The following CNTLN variants were observed in gnomAD, a reference collection of about 807,000 sequenced individuals.
CNTLN encodes the protein centlein.
In CNTLN, 212 loss-of-function variants were observed where a neutral mutation model predicts 180.0. The ratio of observed to expected loss-of-function variants is 1.18; its 90% CI spans 1.05 to 1.32. The LOEUF (loss-of-function observed/expected upper bound fraction) is 1.32. Among genes scored for constraint, CNTLN ranks in the 40% most tolerant of loss-of-function variants. CNTLN has a pLI of 0.00. For missense variants in CNTLN, 2,095 were observed against 1,610.9 expected, an observed-to-expected ratio of 1.30 and a Z score of -5.14; for synonymous variants, 722 against 563.1, an observed-to-expected ratio of 1.28 and a Z score of -3.99.
At chr9:17,179,395 A>C (rs57762378) in intron 2 of CNTLN, among the ~76,000 whole-genome samples, 3 of 151,806 alleles carry the variant, frequency 2.0e-5, no homozygotes, top group Middle Eastern at 6.8e-3. Flanking sequence ...ATTTTTATTC[A>C]GTTCTATGTA....
chr9:17,212,133 A>C (rs1280846763), intron 2 of CNTLN, among the ~76,000 whole-genome samples: 2 of 152,186 alleles, frequency 1.3e-5, no homozygotes, highest in Non-Finnish European at 2.9e-5. Flanking sequence ...GTCTTGTGCC[A>C]GTTTTCAAAG....
In CNTLN at chr9:17,155,527, C is replaced by G. The variant is rs575496717; in HGVS notation, c.449+12151C>G. ...TTGCTGAGCTGCAGTGGGCTCTGCCCAGTTCGAACTTCCCAGCAGCTTTGT... is the reference window on the plus strand; with the variant it reads ...TTGCTGAGCTGCAGTGGGCTCTGCCGAGTTCGAACTTCCCAGCAGCTTTGT... On this transcript the variant is annotated intron_variant, in intron 2 of 25. Coordinates refer to ENST00000380647, the MANE Select transcript of CNTLN (RefSeq NM_017738.4). Among the ~76,000 whole-genome samples the G allele has an allele frequency of 5.3e-5, 8 of 152,300 alleles. 1 individual carries two copies. The highest frequency in any genetic ancestry group is 1.9e-4 in the African/African-American group (8 of 41,576).
At chr9:17,511,979 C>A in the CNTLN span, among the ~76,000 whole-genome samples, 1 of 152,096 alleles carries the variant, frequency 6.6e-6, no homozygotes, top group African/African-American at 2.4e-5. Flanking sequence ...AAAAAGAACC[C>A]TGCCTAGAGT....
At chr9:17,510,506 T>TTA in the CNTLN span, among the ~76,000 whole-genome samples, 1 of 152,324 alleles carries the variant, frequency 6.6e-6, no homozygotes, top group African/African-American at 2.4e-5. Flanking sequence ...AGATTAACCT[T>TTA]TAAGTCAGTG....
At chr9:17,230,177 T>C (rs1824720792) in intron 3 of CNTLN, among the ~76,000 whole-genome samples, 1 of 152,132 alleles carries the variant, frequency 6.6e-6, no homozygotes, top group Admixed American at 6.6e-5. Context: ...TTTTGGCAAT[T>C]TGCACTTGTG....
At chr9:17,157,089 G>T (rs1468158380) in intron 2 of CNTLN, among the ~76,000 whole-genome samples, 2 of 152,188 alleles carry the variant, frequency 1.3e-5, no homozygotes, top group African/African-American at 4.8e-5. Flanking sequence ...GAAGGAGAAT[G>T]CAGCAAAACA....
intron 13 of CNTLN, among the ~76,000 whole-genome samples, chr9:17,381,042 A>C (rs904761160): frequency 1.3e-5 from 2 of 152,226 alleles, no homozygotes; most frequent in Admixed American, 1.3e-4. Flanking sequence ...AAATACAGCC[A>C]ACAACAATTC....
At chr9:17,215,644 C>T (rs1027792186) in intron 2 of CNTLN, among the ~76,000 whole-genome samples, 1 of 152,148 alleles carries the variant, frequency 6.6e-6, no homozygotes, top group Non-Finnish European at 1.5e-5. Flanking sequence ...TGCCCTGCCC[C>T]CAGGGGTGGA....
intron 25 of CNTLN, among the ~76,000 whole-genome samples, chr9:17,492,242 A>G (rs953397354): frequency 6.6e-6 from 1 of 151,998 alleles, no homozygotes; most frequent in Non-Finnish European, 1.5e-5. Context: ...AATCTACAAT[A>G]TCAGTTTTTT....
At chr9:17,277,066 TGATGG>T (rs1828359392) in intron 6 of CNTLN, among the ~76,000 whole-genome samples, 1 of 75,554 alleles carries the variant, frequency 1.3e-5, no homozygotes, top group Non-Finnish European at 2.8e-5. Flanking sequence ...CTGATGGTAA[TGATGG>T]AGCTACTGTT....
chr9:17,229,376 G>A (rs143139418), intron 3 of CNTLN, among the ~76,000 whole-genome samples: 1,671 of 152,198 alleles, frequency 0.011, 35 homozygotes, highest in African/African-American at 0.038. Flanking sequence ...GTAATGGAAA[G>A]GAATGAAGAA....
At chr9:17,248,285 G>C (rs1475321183) in intron 5 of CNTLN, among the ~76,000 whole-genome samples, 4 of 151,852 alleles carry the variant, frequency 2.6e-5, no homozygotes, top group Admixed American at 6.6e-5. Context: ...TCCTCTTCTA[G>C]TTGTTATAAC....
intron 2 of CNTLN, among the ~76,000 whole-genome samples, chr9:17,209,906 C>T (rs937495088): frequency 3.3e-5 from 5 of 152,114 alleles, no homozygotes; most frequent in African/African-American, 9.7e-5. Flanking sequence ...ATAATCTAAA[C>T]TTGAAAAGTA....
chr9:17,177,016 G>A (rs1447712374), intron 2 of CNTLN, among the ~76,000 whole-genome samples: 6 of 152,120 alleles, frequency 3.9e-5, no homozygotes, highest in Non-Finnish European at 8.8e-5. Context: ...CTTCCAAAAA[G>A]TTCTTAGTTT....
chr9:17,258,882 A>G (rs535530037), intron 5 of CNTLN, among the ~76,000 whole-genome samples: 3 of 145,678 alleles, frequency 2.1e-5, no homozygotes, highest in Non-Finnish European at 4.5e-5. Flanking sequence ...GGGCTGAGAC[A>G]GTGGGGTTTT....
intron 13 of CNTLN, among the ~76,000 whole-genome samples, chr9:17,372,868 G>C (rs1008844579): frequency 1.3e-5 from 2 of 152,014 alleles, no homozygotes; most frequent in African/African-American, 4.8e-5. Context: ...CAGAATGAAG[G>C]ACAAAAACCA....
At chr9:17,386,627 A>T (rs542576073) in intron 13 of CNTLN, among the ~76,000 whole-genome samples, 2 of 152,038 alleles carry the variant, frequency 1.3e-5, no homozygotes, top group South Asian at 2.1e-4. Flanking sequence ...AAACCGGTGA[A>T]GGGGAGAAAC....
In CNTLN at chr9:17,394,623, T is replaced by G; in HGVS notation, c.2169T>G (p.Asp723Glu). 6.2e-7 allele frequency: 1 copy of G among 1,602,672 alleles called. No homozygotes were observed. Among genetic ancestry groups the G allele is most frequent in the Non-Finnish European group, 8.5e-7 (1 of 1,177,098 alleles). The change falls in exon 15 of 26, where the codon GAT (aspartate) becomes GAG (glutamate). Residue 723 changes from aspartate to glutamate, a missense_variant. Transcript: ENST00000380647. ...EGNKKLMKENDFLKSLLKQQQ... is the reference protein window; with the variant it reads ...EGNKKLMKENEFLKSLLKQQQ... ...ATAAAAAATTAATGAAAGAAAATGA[T>G]TTTCTGAAATCCCTCTTAAAACAGC...
intron 2 of CNTLN, among the ~76,000 whole-genome samples, chr9:17,214,641 G>A (rs1004618743): frequency 9.2e-5 from 14 of 152,182 alleles, no homozygotes; most frequent in Non-Finnish European, 1.5e-5. Context: ...ATAATATCCT[G>A]CAGAGTGTTT....
Sources: gnomAD v4.1 joint callset for allele counts (sites outside exome capture counted in the v4.1 genomes callset) on GRCh38, gnomAD v4.1.1 for gene constraint, MANE v1.5 for transcripts, NCBI Gene and HGNC (gene_info 2026-07-23, HGNC 2026-07-21) for gene names.